The following GRID2 variants were observed in gnomAD, a reference collection of about 807,000 sequenced individuals.
The protein encoded by GRID2 is glutamate ionotropic receptor delta type subunit 2.
GRID2 carries 33 observed loss-of-function variants against 114.8 expected under a neutral mutation model. That is an observed-to-expected ratio of 0.29 (90% confidence interval 0.22 to 0.38). The LOEUF is 0.38. Ranked by LOEUF, GRID2 falls within the 10% of genes least tolerant of loss-of-function variation. The pLI is 1.00. For synonymous variants in GRID2, 505 were observed against 449.9 expected, an observed-to-expected ratio of 1.12 and a Z score of -1.55; for missense variants, 1,184 against 1,257.7, an observed-to-expected ratio of 0.94 and a Z score of 0.89.
intron 1 of GRID2, among the ~76,000 whole-genome samples, chr4:92,441,047 G>A (rs931186973): frequency 1.4e-4 from 22 of 151,908 alleles, no homozygotes; most frequent in South Asian, 2.1e-4. Context: ...AGCGGCAGCC[G>A]CTGCATGCAG....
At chr4:93,456,076 T>C in intron 11 of GRID2, 102 bp downstream of exon 11, 1 of 706,938 alleles carries the variant, frequency 1.4e-6, no homozygotes, top group East Asian at 2.6e-5. Flanking sequence ...CATCAATAAG[T>C]GTTCTAAAGG....
At chr4:93,113,345 A>T (rs1282715543) in intron 4 of GRID2, among the ~76,000 whole-genome samples, 1 of 152,144 alleles carries the variant, frequency 6.6e-6, no homozygotes, top group Non-Finnish European at 1.5e-5. Context: ...TGTCAAGATG[A>T]CACAACTAGG....
At chr4:93,092,656 A>G (rs1730884408) in intron 3 of GRID2, among the ~76,000 whole-genome samples, 1 of 151,994 alleles carries the variant, frequency 6.6e-6, no homozygotes, top group Non-Finnish European at 1.5e-5. Flanking sequence ...CTGATCAGTT[A>G]ATGGACTTTC....
chr4:92,923,531 A>G (rs1749541976), intron 2 of GRID2, among the ~76,000 whole-genome samples: 1 of 152,196 alleles, frequency 6.6e-6, no homozygotes, highest in South Asian at 2.1e-4. Context: ...TATTCTTTAT[A>G]AATACTTTAG....
intron 4 of GRID2, among the ~76,000 whole-genome samples, chr4:93,140,268 C>T (rs1197306331): frequency 2.0e-5 from 3 of 151,286 alleles, no homozygotes; most frequent in African/African-American, 7.3e-5. Flanking sequence ...ACGCCATTCT[C>T]CTGCCTCAGC....
chr4:92,501,603 T>C (rs767104882), intron 1 of GRID2, among the ~76,000 whole-genome samples: 3 of 152,130 alleles, frequency 2.0e-5, no homozygotes, highest in Non-Finnish European at 4.4e-5. Flanking sequence ...AGCTCTTTAG[T>C]AACCTCTCTG....
At chr4:92,427,302 G>A (rs140664464) in intron 1 of GRID2, among the ~76,000 whole-genome samples, 81 of 152,064 alleles carry the variant, frequency 5.3e-4, no homozygotes, top group Non-Finnish European at 9.0e-4. Context: ...TCCCTAAAAC[G>A]TATGACAAAT....
chr4:92,892,582 C>G (rs115091598), intron 2 of GRID2, among the ~76,000 whole-genome samples: 1 of 152,224 alleles, frequency 6.6e-6, no homozygotes, highest in African/African-American at 2.4e-5. Context: ...TCTTTGTTCA[C>G]AGTGCTGGTT....
intron 1 of GRID2, among the ~76,000 whole-genome samples, chr4:92,444,000 A>T (rs187326230): frequency 4.1e-4 from 62 of 152,166 alleles, no homozygotes; most frequent in Non-Finnish European, 5.6e-4. Context: ...GAAAGGAGAA[A>T]GTGGTTGAGG....
exon 2 of GRID2, chr4:93,809,665 A>G (rs1735094534): frequency 6.6e-6 from 1 of 152,220 alleles, no homozygotes; most frequent in Non-Finnish European, 1.5e-5. Context: ...TGTTTATATC[A>G]GTTTCCAAAA....
In GRID2 at chr4:93,498,397, G is replaced by A. The variant is rs866476799; in HGVS notation, c.1997+7620G>A. 7.9e-5 allele frequency among the ~76,000 whole-genome samples: 12 copies of A among 151,906 alleles called. No individual in the cohort carries two copies. In the Middle Eastern group the frequency reaches 0.01, roughly 129 times the overall value. On this transcript the variant is annotated intron_variant, in intron 12 of 15. Coordinates refer to ENST00000282020, the MANE Select transcript of GRID2 (RefSeq NM_001510.4). ...CTTTATGGCCTGATTGTCTCCTAAA[G>A]GTCCCCCTCTTAATATTGTTGAACT...
intron 2 of GRID2, among the ~76,000 whole-genome samples, chr4:92,718,724 C>G (rs1735664938): frequency 7.4e-6 from 1 of 135,532 alleles, no homozygotes; most frequent in Non-Finnish European, 1.5e-5. Flanking sequence ...GATAGCACCA[C>G]TGCCCTTCAG....
rs371660234 is a variant in GRID2, at chr4:93,054,637, A to T, written c.245-30358A>T. The stretch of plus-strand genomic sequence containing the variant: ...TTTAAATGTAAGCACATGCTATACC[A>T]GTTTTATAATGTTACCACCTCTTCC... On this transcript the variant is annotated intron_variant, in intron 2 of 15. Transcript: ENST00000282020. 9.9e-5 allele frequency among the ~76,000 whole-genome samples: 15 copies of T among 152,082 alleles called. 1 individual carries two copies. The highest frequency in any genetic ancestry group is 3.6e-4 in the African/African-American group (15 of 41,550).
chr4:93,430,152 G>C (rs564612928), intron 10 of GRID2, among the ~76,000 whole-genome samples: 8 of 151,920 alleles, frequency 5.3e-5, no homozygotes, highest in South Asian at 2.1e-4. Flanking sequence ...TATATTTACC[G>C]GGAGGCTTTA....
intron 1 of GRID2, among the ~76,000 whole-genome samples, chr4:92,548,059 T>G (rs1260905321): frequency 2.0e-5 from 3 of 152,112 alleles, no homozygotes; most frequent in Non-Finnish European, 4.4e-5. Context: ...TGTATACATC[T>G]AGAATGGTAC....
chr4:92,403,340 A>C (rs1190794236), intron 1 of GRID2, among the ~76,000 whole-genome samples: 2 of 152,134 alleles, frequency 1.3e-5, no homozygotes, highest in African/African-American at 2.4e-5. Flanking sequence ...CTTACCTTTC[A>C]GCCTATCTCA....
intron 1 of GRID2, among the ~76,000 whole-genome samples, chr4:92,334,838 C>T (rs1433205818): frequency 6.6e-6 from 1 of 152,188 alleles, no homozygotes; most frequent in Non-Finnish European, 1.5e-5. Context: ...ACAACAAAGC[C>T]AGCATGCAGA....
chr4:93,549,507 T>G (rs1468148157), intron 13 of GRID2, among the ~76,000 whole-genome samples: 1 of 152,202 alleles, frequency 6.6e-6, no homozygotes, highest in Admixed American at 6.5e-5. Flanking sequence ...GTGTTTCATA[T>G]GGCATACTTC....
chr4:93,482,830 G>A (rs1726007932), intron 11 of GRID2, among the ~76,000 whole-genome samples: 1 of 151,866 alleles, frequency 6.6e-6, no homozygotes, highest in African/African-American at 2.4e-5. Flanking sequence ...TGATAGACAT[G>A]TCATGTTGTA....
Sources: gnomAD v4.1 joint callset for allele counts (sites outside exome capture counted in the v4.1 genomes callset) on GRCh38, gnomAD v4.1.1 for gene constraint, MANE v1.5 for transcripts, NCBI Gene and HGNC (gene_info 2026-07-23, HGNC 2026-07-21) for gene names.